Variants in ITPR1 observed in about 807,000 individuals in gnomAD.
ITPR1 encodes the protein inositol 1,4,5-trisphosphate receptor type 1, also known as inositol 1,4,5-trisphosphate-gated calcium channel ITPR1.
A neutral mutation model predicts 318.4 loss-of-function variants in ITPR1; 96 were observed. The observed-to-expected ratio is 0.30, with a 90% CI of 0.26 to 0.36. The LOEUF is 0.36. ITPR1 is among the 10% of genes least tolerant of loss of function. The pLI, the probability that ITPR1 is intolerant of heterozygous loss-of-function variation, is 1.00. For synonymous variants in ITPR1, 1,312 were observed against 1,289.9 expected (o/e 1.02, Z -0.37); for missense variants, 2,440 against 3,460.2 (o/e 0.71, Z 7.40).
intron 2 of ITPR1, among the ~76,000 whole-genome samples, chr3:4,513,953 G>A (rs1043862904): frequency 3.3e-5 from 5 of 152,164 alleles, no homozygotes; most frequent in Admixed American, 2.0e-4. Context: ...CAGGCATGGC[G>A]GTGGGTGCCT....
chr3:4,768,409 C>G (rs766742299), intron 45 of ITPR1, 102 bp from the exon 46 acceptor site: 9 of 1,343,294 alleles, frequency 6.7e-6, no homozygotes, highest in South Asian at 4.7e-5. Context: ...TTGAACGTCT[C>G]TAGGAGATAA....
chr3:4,735,235 A>G lies in ITPR1; in HGVS notation c.5425A>G (p.Lys1809Glu). Residue 1809 changes from lysine (K) to glutamate (E), a missense_variant, in exon 44 of 62, where the codon AAG becomes GAG. Physicochemically the swap from Lys to Glu is moderately conservative, Grantham distance 56 (BLOSUM62 1). Transcript: ENST00000649015. ...GGCCGAGGTTCAGTGTCACCTTGACAAGGAGGGGGCTTCCAATCTAGTTAT... is the reference window on the plus strand; with the variant it reads ...GGCCGAGGTTCAGTGTCACCTTGACGAGGAGGGGGCTTCCAATCTAGTTAT... Reference protein sequence around the residue: ...SLAEVQCHLDKEGASNLVIDL... With the variant: ...SLAEVQCHLDEEGASNLVIDL... 1 of 1,613,980 alleles carries G rather than the reference A, an allele frequency of 6.2e-7. No individual in the cohort carries two copies. The highest frequency in any genetic ancestry group is 8.5e-7 in the Non-Finnish European group (1 of 1,179,856).
At position 4,661,069 on chromosome 3, in the gene ITPR1, A is replaced by T; in HGVS notation, c.1233A>T (p.Glu411Asp). 6.2e-7 allele frequency: 1 copy of T among 1,603,886 alleles called. No individual in the cohort carries two copies. The highest frequency in any genetic ancestry group is 8.5e-7 in the Non-Finnish European group (1 of 1,170,754). The change falls in exon 14 of 62, where the codon GAA (glutamate) becomes GAT (aspartate). Residue 411 changes from glutamate to aspartate, a missense_variant. Around this residue, in one of 23 missense-constraint regions of ITPR1, gnomAD observed 101 missense variants for 119.6 expected, o/e 0.84. Coordinates refer to ENST00000649015, the MANE Select transcript of ITPR1 (RefSeq NM_001378452.1). Reference protein sequence around the residue: ...STNIPIDKEEEKPVMLKIGTS... With the variant: ...STNIPIDKEEDKPVMLKIGTS... ...ATATTCCTATTGACAAGGAAGAAGA[A>T]AAGCCCGTGATGCTGAAAGTAAGTC... is the stretch of plus-strand genomic sequence containing the variant.
intron 44 of ITPR1, among the ~76,000 whole-genome samples, chr3:4,736,015 C>T (rs2043239259): frequency 6.6e-6 from 1 of 152,048 alleles, no homozygotes. Context: ...TTTTTTCTTC[C>T]ACAACAGTCA....
intron 10 of ITPR1, among the ~76,000 whole-genome samples, chr3:4,650,201 G>A (rs11720328): frequency 0.97 from 148,063 of 152,288 alleles, 72,112 homozygotes; most frequent in East Asian, 1. Flanking sequence ...ACATTCATAT[G>A]CAACTTTTTA....
intron 4 of ITPR1, among the ~76,000 whole-genome samples, chr3:4,545,122 C>T (rs2124984297): frequency 1.3e-5 from 2 of 152,144 alleles, no homozygotes; most frequent in Middle Eastern, 6.8e-3. Flanking sequence ...TCAAAAGCTC[C>T]CTGGTAGAAT....
At chr3:4,648,571 A>T (rs1308007046) in intron 10 of ITPR1, among the ~76,000 whole-genome samples, 3 of 152,324 alleles carry the variant, frequency 2.0e-5, no homozygotes, top group Middle Eastern at 6.8e-3. Flanking sequence ...GCACTTTGGG[A>T]GGCCGAGGTG....
At chr3:4,646,148 C>T (rs887426211) in intron 10 of ITPR1, 12 of 184,514 alleles carry the variant, frequency 6.5e-5, no homozygotes, top group Non-Finnish European at 1.2e-4. Flanking sequence ...GTCTACCTGA[C>T]ACAATACATA....
At chr3:4,508,845 G>GAA (rs1156617028) in intron 2 of ITPR1, among the ~76,000 whole-genome samples, 1 of 152,136 alleles carries the variant, frequency 6.6e-6, no homozygotes, top group Non-Finnish European at 1.5e-5. Flanking sequence ...TTTGGGTACT[G>GAA]AAAAACAACA....
chr3:4,641,095 C>A (rs535306188), intron 6 of ITPR1, among the ~76,000 whole-genome samples: 1 of 152,158 alleles, frequency 6.6e-6, no homozygotes, highest in East Asian at 1.9e-4. Flanking sequence ...GGAGGATAAT[C>A]GCAATTAGCA....
At chr3:4,654,292 A>G (rs1396770830) in intron 12 of ITPR1, among the ~76,000 whole-genome samples, 1 of 152,220 alleles carries the variant, frequency 6.6e-6, no homozygotes, top group Non-Finnish European at 1.5e-5. Context: ...TGAGGTGGAT[A>G]GTGTTACTGA....
intron 31 of ITPR1, among the ~76,000 whole-genome samples, chr3:4,689,908 C>T (rs778510930): frequency 1.3e-5 from 2 of 152,148 alleles, no homozygotes; most frequent in Non-Finnish European, 2.9e-5. Flanking sequence ...TTGCGATGCA[C>T]GTTCTCAACA....
chr3:4,593,331 T>C (rs2090538486), intron 4 of ITPR1, among the ~76,000 whole-genome samples: 1 of 152,224 alleles, frequency 6.6e-6, no homozygotes, highest in African/African-American at 2.4e-5. Context: ...AAAAGGAGGC[T>C]TAGACAAGGT....
intron 24 of ITPR1, among the ~76,000 whole-genome samples, chr3:4,677,315 G>A (rs1318957846): frequency 6.6e-6 from 1 of 152,186 alleles, no homozygotes; most frequent in African/African-American, 2.4e-5. Flanking sequence ...TGATAGAGGG[G>A]CATGGGCATG....
At chr3:4,685,009 G>A (rs750846772) in intron 29 of ITPR1, 60 bp from the exon 30 acceptor site, 3 of 1,556,950 alleles carry the variant, frequency 1.9e-6, no homozygotes, top group East Asian at 2.3e-5. Flanking sequence ...ACCACCCTCT[G>A]CAATCTTTTT....
intron 4 of ITPR1, among the ~76,000 whole-genome samples, chr3:4,534,965 T>C (rs921624761): frequency 6.6e-6 from 1 of 152,208 alleles, no homozygotes; most frequent in Admixed American, 6.5e-5. Context: ...TTTGTTACCA[T>C]AGTTTCAGTG....
At chr3:4,507,898 A>G (rs2081506827) in intron 2 of ITPR1, among the ~76,000 whole-genome samples, 1 of 152,228 alleles carries the variant, frequency 6.6e-6, no homozygotes. Context: ...ATTCTGTGCT[A>G]GCCAGCTTCA....
At chr3:4,823,039 T>C (rs1202508146) in intron 60 of ITPR1, among the ~76,000 whole-genome samples, 2 of 152,258 alleles carry the variant, frequency 1.3e-5, no homozygotes, top group Non-Finnish European at 2.9e-5. Context: ...ATACCCTTTT[T>C]TGAATAATTT....
rs148675260 is a variant in ITPR1, at chr3:4,663,050, G to C, written c.1413-15G>C. The C allele has an allele frequency of 3.7e-6, 6 of 1,612,364 alleles. No homozygotes were observed. Among genetic ancestry groups the C allele is most frequent in the Non-Finnish European group, 4.2e-6 (5 of 1,178,878 alleles). ...ACTGAACACATCTGTCTCTAATAGC[G>C]TCTTTCCTCCTAAGGTCTGTAACCA... On this transcript the variant is annotated splice_polypyrimidine_tract_variant and intron_variant, in intron 15 of 61. Transcript: ENST00000649015.
Sources: allele counts gnomAD v4.1 joint callset (sites outside exome capture counted in the v4.1 genomes callset), GRCh38; gene constraint gnomAD v4.1.1; regional missense constraint gnomAD v4.1.1; transcripts MANE v1.5; gene names NCBI Gene and HGNC (gene_info 2026-07-23, HGNC 2026-07-21).